PDE4B: variants seen among roughly 807,000 people sequenced by gnomAD.
PDE4B encodes phosphodiesterase 4B, also known as 3',5'-cyclic-AMP phosphodiesterase 4B.
A neutral mutation model predicts 82.2 loss-of-function variants in PDE4B; 20 were observed. That is an observed-to-expected ratio of 0.24 (90% CI 0.17 to 0.35). The LOEUF is 0.35. PDE4B is among the 10% of genes least tolerant of loss of function. The probability of loss-of-function intolerance (pLI) is 1.00; values close to 1 mark genes in which losing one functional copy is unlikely to be tolerated. For missense variants in PDE4B, 655 were observed against 907.2 expected, an observed-to-expected ratio of 0.72 and a Z score of 3.57; for synonymous variants, 320 against 318.9, an observed-to-expected ratio of 1.00 and a Z score of -0.04.
At chr1:66,199,237 A>T (rs1272693728) in intron 3 of PDE4B, among the ~76,000 whole-genome samples, 1 of 151,582 alleles carries the variant, frequency 6.6e-6, no homozygotes, top group Non-Finnish European at 1.5e-5. Context: ...ACAGTGTAAA[A>T]GTATTCCTAT....
intron 7 of PDE4B, among the ~76,000 whole-genome samples, chr1:66,295,823 G>A (rs1024365765): frequency 1.3e-5 from 2 of 152,108 alleles, no homozygotes; most frequent in African/African-American, 4.8e-5. Context: ...TCCAGTTTCT[G>A]TCCTCTCTGC....
intron 3 of PDE4B, among the ~76,000 whole-genome samples, chr1:66,083,391 T>C (rs2100968106): frequency 6.6e-6 from 1 of 152,186 alleles, no homozygotes; most frequent in Non-Finnish European, 1.5e-5. Flanking sequence ...GGACACTCAA[T>C]CCTACCTCCA....
At chr1:66,059,199 C>T (rs1438082761) in intron 3 of PDE4B, among the ~76,000 whole-genome samples, 1 of 152,182 alleles carries the variant, frequency 6.6e-6, no homozygotes, top group Non-Finnish European at 1.5e-5. Flanking sequence ...CAACAGGTTC[C>T]TCATTTCCAT....
At chr1:65,952,163 C>A (rs569677906) in intron 3 of PDE4B, among the ~76,000 whole-genome samples, 1 of 152,170 alleles carries the variant, frequency 6.6e-6, no homozygotes, top group East Asian at 1.9e-4. Flanking sequence ...TTTCAGTAAG[C>A]CTTCCAGGTG....
At chr1:66,323,943 G>A (rs1659581172) in intron 7 of PDE4B, among the ~76,000 whole-genome samples, 2 of 152,114 alleles carry the variant, frequency 1.3e-5, no homozygotes, top group South Asian at 2.1e-4. Flanking sequence ...TTGTGTCATT[G>A]GTCTTCAATA....
chr1:66,262,303 G>A (rs1266997890), intron 6 of PDE4B, among the ~76,000 whole-genome samples: 1 of 152,234 alleles, frequency 6.6e-6, no homozygotes, highest in Admixed American at 6.5e-5. Context: ...ACAGGACTCA[G>A]TACGTTGTAA....
intron 13 of PDE4B, among the ~76,000 whole-genome samples, chr1:66,367,146 A>C (rs908240249): frequency 1.1e-4 from 16 of 152,308 alleles, no homozygotes; most frequent in Non-Finnish European, 1.8e-4. Context: ...GTTCCCAAAA[A>C]GTAGTAATGT....
chr1:66,089,874 C>G (rs1247829510), intron 3 of PDE4B, among the ~76,000 whole-genome samples: 1 of 152,018 alleles, frequency 6.6e-6, no homozygotes, highest in Admixed American at 6.6e-5. Flanking sequence ...CTATCATGAT[C>G]TGATTGCCTG....
Position 66,289,704 on chromosome 1 carries a change from T to TTA in PDE4B, c.634+23635_634+23636dup, listed in dbSNP as rs35797677. On this transcript the variant is annotated intron_variant, in intron 7 of 16. Transcript: ENST00000341517. ...TGAAAAAAATGGAGAAGAGAAAATG[T>TTA]TATATATATATATATATATTTTTAA... is the stretch of plus-strand genomic sequence containing the variant. 5.5e-3 allele frequency among the ~76,000 whole-genome samples: 812 copies of TTA among 148,324 alleles called. 10 individuals carry two copies. The highest frequency in any genetic ancestry group is 0.023 in the East Asian group (119 of 5,074).
intron 3 of PDE4B, among the ~76,000 whole-genome samples, chr1:65,986,215 G>A (rs1650945735): frequency 6.6e-6 from 1 of 152,106 alleles, no homozygotes; most frequent in African/African-American, 2.4e-5. Context: ...AAGATACAAA[G>A]GTGAATACGA....
intron 3 of PDE4B, among the ~76,000 whole-genome samples, chr1:65,950,787 T>C (rs1337782024): frequency 6.6e-6 from 1 of 152,022 alleles, no homozygotes; most frequent in East Asian, 1.9e-4. Flanking sequence ...CTGTTTGTTG[T>C]TATCTCCAAA....
At chr1:65,897,502 C>G (rs1264906577) in intron 1 of PDE4B, among the ~76,000 whole-genome samples, 1 of 152,094 alleles carries the variant, frequency 6.6e-6, no homozygotes, top group Middle Eastern at 3.4e-3. Flanking sequence ...CCCTTGACCC[C>G]TTTCTTCTTT....
At chr1:65,989,327 C>T (rs1239018179) in intron 3 of PDE4B, among the ~76,000 whole-genome samples, 2 of 151,984 alleles carry the variant, frequency 1.3e-5, no homozygotes, top group Non-Finnish European at 2.9e-5. Flanking sequence ...ATCGTGAAAC[C>T]TGTCTCTACT....
At chr1:66,358,598 C>T (rs1337025546) in intron 9 of PDE4B, among the ~76,000 whole-genome samples, 1 of 148,994 alleles carries the variant, frequency 6.7e-6, no homozygotes, top group Admixed American at 6.8e-5. Context: ...CACTTGAATC[C>T]AGGAGATGGA....
At chr1:66,167,247 A>G (rs147346353) in intron 3 of PDE4B, among the ~76,000 whole-genome samples, 1,569 of 152,352 alleles carry the variant, frequency 0.01, 28 homozygotes, top group African/African-American at 0.036. Flanking sequence ...AAACCTGTAC[A>G]TGAGTATTCA....
intron 3 of PDE4B, among the ~76,000 whole-genome samples, chr1:66,167,903 T>C (rs1208769680): frequency 6.6e-6 from 1 of 152,244 alleles, no homozygotes; most frequent in Non-Finnish European, 1.5e-5. Context: ...AAAGTCATTG[T>C]ATTGCCAGAT....
chr1:66,021,996 G>T (rs1306181518), intron 3 of PDE4B, among the ~76,000 whole-genome samples: 1 of 152,130 alleles, frequency 6.6e-6, no homozygotes, highest in Non-Finnish European at 1.5e-5. Flanking sequence ...GTTGAGCAGT[G>T]GTTAGTAGTT....
At chr1:66,009,305 C>T (rs1296296398) in intron 3 of PDE4B, among the ~76,000 whole-genome samples, 5 of 152,178 alleles carry the variant, frequency 3.3e-5, no homozygotes, top group Admixed American at 6.6e-5. Flanking sequence ...CACCAGCTGT[C>T]GCTGTTCTGA....
intron 6 of PDE4B, among the ~76,000 whole-genome samples, chr1:66,262,167 G>T (rs145632518): frequency 2.0e-5 from 3 of 152,122 alleles, no homozygotes; most frequent in African/African-American, 7.2e-5. Flanking sequence ...GTCTTTTATT[G>T]CTGTATGTAC....
Sources: gnomAD v4.1 joint callset for allele counts (sites outside exome capture counted in the v4.1 genomes callset) on GRCh38, gnomAD v4.1.1 for gene constraint, MANE v1.5 for transcripts, NCBI Gene and HGNC (gene_info 2026-07-23, HGNC 2026-07-21) for gene names.